Variants in ADAMTSL1 observed in about 807,000 individuals in gnomAD.
ADAMTSL1 encodes the protein ADAMTS like 1, also known as ADAMTS-like protein 1.
In ADAMTSL1, 126 loss-of-function variants were observed where a neutral mutation model predicts 201.8. The observed-to-expected ratio is 0.62, with a 90% CI of 0.54 to 0.72. The LOEUF is 0.72. Among genes scored for constraint, ADAMTSL1 ranks in the 30% least tolerant of loss-of-function variants. ADAMTSL1 has a pLI of 0.00. For missense variants in ADAMTSL1, 2,679 were observed against 2,277.8 expected, an observed-to-expected ratio of 1.18 and a Z score of -3.59; for synonymous variants, 1,121 against 903.4, an observed-to-expected ratio of 1.24 and a Z score of -4.32.
intron 2 of ADAMTSL1, among the ~76,000 whole-genome samples, chr9:18,264,289 C>T (rs1832037432): frequency 6.6e-6 from 1 of 151,946 alleles, no homozygotes; most frequent in African/African-American, 2.4e-5. Context: ...AGGACCTCAC[C>T]ATGTCTAGCT....
rs565483090 is a variant in ADAMTSL1, at chr9:18,777,280, G to A, written c.3051G>A (p.Pro1017=). 9.9e-6 allele frequency: 16 copies of A among 1,608,564 alleles called. No individual in the cohort carries two copies. In the African/African-American group the frequency reaches 1.5e-4, roughly 15 times the overall value. Residue 1017 remains proline, a synonymous_variant, in exon 19 of 29, where the codon CCG becomes CCA. Coordinates refer to ENST00000380548, the MANE Select transcript of ADAMTSL1 (RefSeq NM_001040272.6). Reference sequence around the variant, plus strand: ...AGAAGCGGGGCCTGGCCGCCAACCCGGGGAGCCGCTACGACGACCTCGTCT... The same window carrying A: ...AGAAGCGGGGCCTGGCCGCCAACCCAGGGAGCCGCTACGACGACCTCGTCT... ...KAEKRGLAAN[P]GSRYDDLVSR... is the part of the protein sequence containing the mutation.
chr9:17,920,669 A>G (rs1025167778), intron 1 of ADAMTSL1, among the ~76,000 whole-genome samples: 1 of 152,168 alleles, frequency 6.6e-6, no homozygotes, highest in African/African-American at 2.4e-5. Context: ...GTCTCTGGAA[A>G]CTTCTAGAAT....
chr9:18,486,581 T>C (rs1822007708), intron 1 of ADAMTSL1, among the ~76,000 whole-genome samples: 1 of 152,134 alleles, frequency 6.6e-6, no homozygotes, highest in African/African-American at 2.4e-5. Flanking sequence ...AGTGCGTGCC[T>C]GTAGTCCTAG....
At chr9:18,789,635 G>T (rs776781112) in intron 19 of ADAMTSL1, among the ~76,000 whole-genome samples, 2 of 152,188 alleles carry the variant, frequency 1.3e-5, no homozygotes, top group Non-Finnish European at 2.9e-5. Context: ...ATGAGACACT[G>T]TTGATTGAAA....
chr9:18,042,598 C>T (rs751106333), intron 1 of ADAMTSL1, among the ~76,000 whole-genome samples: 1 of 152,052 alleles, frequency 6.6e-6, no homozygotes, highest in Non-Finnish European at 1.5e-5. Flanking sequence ...TCTGTTTAGT[C>T]AGGATCAAAT....
intron 16 of ADAMTSL1, among the ~76,000 whole-genome samples, chr9:18,763,298 G>T (rs926496229): frequency 2.0e-5 from 3 of 152,102 alleles, no homozygotes; most frequent in Admixed American, 1.3e-4. Context: ...TTGCCATTGT[G>T]TCTTCTTTTG....
At position 18,882,156 on chromosome 9, in the gene ADAMTSL1, ACT is replaced by A. The variant is rs1361832814; in HGVS notation, c.4250-5669_4250-5668del. On this transcript the variant is annotated intron_variant, in intron 23 of 28. Transcript: ENST00000380548. ...CTACCACTCCTTTTTCTGCCTAAAT[ACT>A]CTCTCAGAAAATCCTAAGGCAGTTG... Among the ~76,000 whole-genome samples the A allele has an allele frequency of 3.3e-5, 5 of 152,132 alleles. No individual in the cohort carries two copies. The East Asian group carries it at 9.6e-4, about 29-fold the overall frequency.
At position 18,282,896 on chromosome 9, in the gene ADAMTSL1, T is replaced by C. The variant is rs188979248; in HGVS notation, c.207+118915T>C. On this transcript the variant is annotated intron_variant, in intron 2 of 29. Transcript: ENST00000680146. ...TGGGCAACAAGAGTGAAACTCCGTC[T>C]CAAAAAAGAAAAGAAAAGAATATGT... Among the ~76,000 whole-genome samples the C allele has an allele frequency of 3.2e-3, 484 of 152,276 alleles. 1 individual carries two copies. Among genetic ancestry groups the C allele is most frequent in the African/African-American group, 0.011 (439 of 41,558 alleles).
intron 9 of ADAMTSL1, among the ~76,000 whole-genome samples, chr9:18,672,655 T>C (rs1829893464): frequency 1.3e-5 from 2 of 152,216 alleles, no homozygotes; most frequent in African/African-American, 4.8e-5. Flanking sequence ...ATTCAATTAT[T>C]TTTAGTTGAC....
chr9:18,028,110 A>T (rs1436032455), intron 1 of ADAMTSL1, among the ~76,000 whole-genome samples: 2 of 152,038 alleles, frequency 1.3e-5, no homozygotes, highest in Admixed American at 1.3e-4. Flanking sequence ...AATGCATGTG[A>T]GATGGGTCTC....
intron 4 of ADAMTSL1, among the ~76,000 whole-genome samples, chr9:18,615,199 C>G (rs984276833): frequency 3.9e-5 from 6 of 152,104 alleles, no homozygotes; most frequent in African/African-American, 1.4e-4. Flanking sequence ...TATTGGAAAC[C>G]TTAGTTGTAA....
intron 10 of ADAMTSL1, among the ~76,000 whole-genome samples, chr9:18,678,528 C>T (rs1407618051): frequency 6.6e-6 from 1 of 152,050 alleles, no homozygotes; most frequent in Non-Finnish European, 1.5e-5. Flanking sequence ...TCTATGATCA[C>T]TGACATTGAA....
chr9:18,831,110 G>C (rs1214629477), intron 23 of ADAMTSL1, among the ~76,000 whole-genome samples: 1 of 152,162 alleles, frequency 6.6e-6, no homozygotes, highest in Non-Finnish European at 1.5e-5. Context: ...TCTGAAACTT[G>C]CAAAGAATCT....
intron 2 of ADAMTSL1, among the ~76,000 whole-genome samples, chr9:18,286,175 C>T (rs897991391): frequency 6.6e-6 from 1 of 152,194 alleles, no homozygotes; most frequent in Non-Finnish European, 1.5e-5. Context: ...CTAGCAAACA[C>T]TTTTCCATCT....
At chr9:18,371,982 G>A (rs963099906) in intron 2 of ADAMTSL1, among the ~76,000 whole-genome samples, 2 of 152,142 alleles carry the variant, frequency 1.3e-5, no homozygotes, top group African/African-American at 4.8e-5. Context: ...AAAATAGCCT[G>A]TTTTATTATA....
At chr9:18,089,802 C>T (rs907900817) in intron 1 of ADAMTSL1, among the ~76,000 whole-genome samples, 7 of 152,186 alleles carry the variant, frequency 4.6e-5, no homozygotes, top group South Asian at 4.1e-4. Context: ...CTTTCAGTCA[C>T]GCAATGTGAT....
At chr9:18,541,425 G>A (rs541026941) in intron 3 of ADAMTSL1, among the ~76,000 whole-genome samples, 4 of 151,998 alleles carry the variant, frequency 2.6e-5, no homozygotes, top group East Asian at 3.9e-4. Context: ...CAGGAGAATC[G>A]CGTGAAACCA....
intron 2 of ADAMTSL1, among the ~76,000 whole-genome samples, chr9:18,400,838 T>G (rs1587082216): frequency 6.6e-6 from 1 of 152,172 alleles, no homozygotes; most frequent in African/African-American, 2.4e-5. Flanking sequence ...GCCATGACAT[T>G]AGGTGATTCA....
At chr9:18,062,047 C>G (rs7872884) in intron 1 of ADAMTSL1, among the ~76,000 whole-genome samples, 95,496 of 152,074 alleles carry the variant, frequency 0.63, 30,239 homozygotes, top group African/African-American at 0.71. Context: ...ACTCAGCCAT[C>G]TGATTCACTG....
Sources: gnomAD v4.1 joint callset for allele counts (sites outside exome capture counted in the v4.1 genomes callset) on GRCh38, gnomAD v4.1.1 for gene constraint, MANE v1.5 for transcripts, NCBI Gene and HGNC (gene_info 2026-07-23, HGNC 2026-07-21) for gene names.